MYT1: variants seen among roughly 807,000 people sequenced by gnomAD.
MYT1 encodes the protein myelin transcription factor 1.
A neutral mutation model predicts 123.0 loss-of-function variants in MYT1; 23 were observed. The observed-to-expected ratio is 0.19, with a 90% CI of 0.13 to 0.26. MYT1 has a LOEUF of 0.26. Among genes scored for constraint, MYT1 ranks in the 10% least tolerant of loss-of-function variants. MYT1 has a pLI of 1.00. For missense variants in MYT1, 1,125 were observed against 1,472.5 expected, an observed-to-expected ratio of 0.76 and a Z score of 3.86; for synonymous variants, 518 against 575.3, an observed-to-expected ratio of 0.90 and a Z score of 1.43.
chr20:64,232,277 A>T lies in MYT1; in HGVS notation c.2789A>T (p.Asn930Ile), dbSNP rs763885085. The T allele has an allele frequency of 8.1e-6, 13 of 1,612,944 alleles. No homozygotes were observed. The highest frequency in any genetic ancestry group is 9.3e-6 in the Non-Finnish European group (11 of 1,179,962). The part of the protein sequence containing the change: ...AARRQKEGSL[N>I]GSSFSWKSLK... ...CGCAGGCAGAAGGAAGGGTCCCTCA[A>T]TGGCTCGTCATTCTCCTGGAAGTCC... Residue 930 changes from asparagine (N) to isoleucine (I), a missense_variant, in exon 19 of 23, where the codon AAT (asparagine) becomes ATT (isoleucine). By Grantham distance (149) the Asn-to-Ile change is moderately radical. Around this residue, in one of 4 missense-constraint regions of MYT1, gnomAD observed 243 missense variants for 323.1 expected, o/e 0.75. Transcript: ENST00000328439. This position sits in a 1 kb window ranked among gnomAD's most constrained non-coding sequence, Gnocchi z 6.9.
At position 64,241,512 on chromosome 20, in the gene MYT1, G is replaced by GA. The variant is rs1239211491; in HGVS notation, c.*1070dup. 2 of 152,478 alleles carry GA rather than the reference G, an allele frequency of 1.3e-5. No homozygotes were observed. The highest frequency in any genetic ancestry group is 2.4e-5 in the African/African-American group (1 of 41,430). The allele number at this position is 152,478 out of a possible 1,614,324, so 9.4% of individuals were successfully genotyped here. A position where few individuals can be genotyped will look rare whatever the true frequency, so the allele number is the denominator to read the frequency against. ...AAAAATAGAGAAATTGCACTTCCTG[G>GA]AAAAAATTAAAAAGTAGTTAGTTTA... On this transcript the variant is annotated 3_prime_UTR_variant, in exon 23 of 23. Coordinates refer to ENST00000328439, the MANE Select transcript of MYT1 (RefSeq NM_004535.3). This position sits in a 1 kb window ranked among gnomAD's most constrained non-coding sequence, Gnocchi z 4.2.
rs1180122115 is a variant in MYT1, at chr20:64,196,573, T to C, written c.1-2289T>C. 1.3e-5 allele frequency among the ~76,000 whole-genome samples: 2 copies of C among 152,242 alleles called. No individual in the cohort carries two copies. Among genetic ancestry groups the C allele is most frequent in the Non-Finnish European group, 2.9e-5 (2 of 68,040 alleles). On this transcript the variant is annotated intron_variant, in intron 2 of 22. Coordinates refer to ENST00000328439, the MANE Select transcript of MYT1 (RefSeq NM_004535.3). This position sits in a 1 kb window ranked among gnomAD's most constrained non-coding sequence, Gnocchi z 4.3. ...TTCATTCTCGTATTAAAGAGCCTGG[T>C]TTATTTTTTCTTCGGTAGTTCAGTT...
At chr20:64,209,760 G>A (rs986021607) in intron 7 of MYT1, among the ~76,000 whole-genome samples, 1 of 152,184 alleles carries the variant, frequency 6.6e-6, no homozygotes. Context: ...GTGGAGACAC[G>A]AGGGACATGT....
In MYT1 at chr20:64,204,509, G is replaced by C. The variant is rs1983421868; in HGVS notation, c.87-526G>C. Among the ~76,000 whole-genome samples, 5 of 152,242 alleles carry C rather than the reference G, an allele frequency of 3.3e-5. No individual in the cohort carries two copies. In the South Asian group the frequency reaches 8.3e-4, roughly 25 times the overall value. Reference sequence around the variant, plus strand: ...AGGCACTGGTGGGATCTTCACCACTGTCTGTGGCTTGGGCCACAGATTCCT... The same window carrying C: ...AGGCACTGGTGGGATCTTCACCACTCTCTGTGGCTTGGGCCACAGATTCCT... On this transcript the variant is annotated intron_variant, in intron 4 of 22. Coordinates refer to ENST00000328439, the MANE Select transcript of MYT1 (RefSeq NM_004535.3).
Position 64,242,184 on chromosome 20 carries a change from G to A in MYT1, c.*1736G>A, listed in dbSNP as rs771612056. ...GTGACCCTCCTTCCTCAGGAAGCGC[G>A]TTGAACCCACAGCACTCCGTGGTGT... On this transcript the variant is annotated 3_prime_UTR_variant, in exon 23 of 23. Coordinates refer to ENST00000328439, the MANE Select transcript of MYT1 (RefSeq NM_004535.3). 3.9e-5 allele frequency: 6 copies of A among 152,604 alleles called. No homozygotes were observed. Among genetic ancestry groups the A allele is most frequent in the Non-Finnish European group, 2.9e-5 (2 of 68,032 alleles). The allele number at this position is 152,604 out of a possible 1,614,324, so 9.5% of individuals were successfully genotyped here.
intron 10 of MYT1, among the ~76,000 whole-genome samples, chr20:64,214,335 A>C (rs766595360): frequency 6.6e-6 from 1 of 152,118 alleles, no homozygotes; most frequent in Non-Finnish European, 1.5e-5. Context: ...GCATGTTCAC[A>C]CGCCTGTTTG....
Position 64,170,848 on chromosome 20 carries a change from CATATATATATATAT to C in MYT1, c.-99+6133_-99+6146del, listed in dbSNP as rs1175817263. 2.3e-3 allele frequency among the ~76,000 whole-genome samples: 37 copies of C among 16,026 alleles called. 3 individuals carry two copies. The highest frequency in any genetic ancestry group is 3.4e-3 in the South Asian group (1 of 292). 10.5% of individuals were successfully genotyped at this position (16,026 alleles called of 152,430 possible). ...CCATGACACAGATAGACAAATTGGT[CATATATATATATAT>C]ATATATATATATATATATATATAGA... On this transcript the variant is annotated intron_variant, in intron 1 of 22. Coordinates refer to ENST00000328439, the MANE Select transcript of MYT1 (RefSeq NM_004535.3).
At chr20:64,222,075 C>A in intron 14 of MYT1, 28 bp downstream of exon 14, 1 of 1,610,474 alleles carries the variant, frequency 6.2e-7, no homozygotes, top group Non-Finnish European at 8.5e-7. Context: ...TGGCACAGCT[C>A]CTAGGGGACC....
rs1186334665 is a variant in MYT1, at chr20:64,205,635, C to A, written c.232C>A (p.Pro78Thr). ...CCTGGTGTCCAAGAGGAAGTCACAC[C>A]CCCTGAAGCTGGCTCTGGACGAGGG... ...EHLVSKRKSH[P>T]LKLALDEGYG... Residue 78 changes from proline (P) to threonine (T), a missense_variant, in exon 6 of 23, where the codon CCC (proline) becomes ACC (threonine). Pro to Thr is a conservative substitution (Grantham distance 38). Around this residue, in one of 4 missense-constraint regions of MYT1, gnomAD observed 406 missense variants for 432.2 expected, o/e 0.94. Coordinates refer to ENST00000328439, the MANE Select transcript of MYT1 (RefSeq NM_004535.3). The A allele has an allele frequency of 3.1e-6, 5 of 1,614,036 alleles. No individual in the cohort carries two copies. In the Admixed American group the frequency reaches 8.3e-5, roughly 27 times the overall value.
intron 21 of MYT1, 139 bp downstream of exon 21, chr20:64,237,529 A>G (rs1013645001): frequency 2.7e-5 from 18 of 664,350 alleles, no homozygotes; most frequent in African/African-American, 2.7e-4. Context: ...TGGCTGGCAC[A>G]CAGGCACACT....
At position 64,213,671 on chromosome 20, in the gene MYT1, T is replaced by C; in HGVS notation, c.1631+24T>C. The C allele has an allele frequency of 1.3e-6, 2 of 1,595,470 alleles. No homozygotes were observed. Among genetic ancestry groups the C allele is most frequent in the Non-Finnish European group, 1.7e-6 (2 of 1,164,072 alleles). ...AGGTGAGTGAGATGAGCCACAGAAC[T>C]GAAGAGGCTGCCTCCCAAATGCCTG... On this transcript the variant is annotated intron_variant, in intron 10 of 22. Transcript: ENST00000328439. The surrounding 1 kb of genome is among the most constrained non-coding windows in gnomAD (Gnocchi z 5.6).
At position 64,192,489 on chromosome 20, in the gene MYT1, G is replaced by A. The variant is rs1401061265; in HGVS notation, c.-1+2329G>A. Among the ~76,000 whole-genome samples, 1 of 152,228 alleles carries A rather than the reference G, an allele frequency of 6.6e-6. No homozygotes were observed. Among genetic ancestry groups the A allele is most frequent in the African/African-American group, 2.4e-5 (1 of 41,462 alleles). On this transcript the variant is annotated intron_variant, in intron 2 of 22. Coordinates refer to ENST00000328439, the MANE Select transcript of MYT1 (RefSeq NM_004535.3). This position sits in a 1 kb window ranked among gnomAD's most constrained non-coding sequence, Gnocchi z 5.3. ...CAGAGGCTGGCTTCGGACAGGAGAT[G>A]GGTGGTGAGGAGCCAGCATGGGAGG... is the stretch of plus-strand genomic sequence containing the variant.
rs1230245035 is a variant in MYT1, at chr20:64,193,071, T to C, written c.-1+2911T>C. 6.6e-6 allele frequency among the ~76,000 whole-genome samples: 1 copy of C among 152,204 alleles called. No individual in the cohort carries two copies. Among genetic ancestry groups the C allele is most frequent in the Non-Finnish European group, 1.5e-5 (1 of 68,028 alleles). ...ATGCCCCATGGAGGTGTCCTTTCTA[T>C]ACCCCAAGGAGGAGGCTGGTCTATT... On this transcript the variant is annotated intron_variant, in intron 2 of 22. Transcript: ENST00000328439. This position sits in a 1 kb window ranked among gnomAD's most constrained non-coding sequence, Gnocchi z 4.0.
Position 64,205,016 on chromosome 20 carries a change from C to T in MYT1, c.87-19C>T. 6.2e-7 allele frequency: 1 copy of T among 1,613,864 alleles called. No homozygotes were observed. The highest frequency in any genetic ancestry group is 8.5e-7 in the Non-Finnish European group (1 of 1,179,906). The stretch of plus-strand genomic sequence containing the variant: ...GAGCCCATCGCCTGATGTGGCCTTG[C>T]CTTTTTATTTCCCCTCAGCTGCCCC... On this transcript the variant is annotated intron_variant, in intron 4 of 22. Transcript: ENST00000328439.
Position 64,186,072 on chromosome 20 carries a change from G to A in MYT1, c.-98-3991G>A, listed in dbSNP as rs1982791077. 6.6e-6 allele frequency among the ~76,000 whole-genome samples: 1 copy of A among 152,212 alleles called. No individual in the cohort carries two copies. Among genetic ancestry groups the A allele is most frequent in the Non-Finnish European group, 1.5e-5 (1 of 68,036 alleles). On this transcript the variant is annotated intron_variant, in intron 1 of 22. Transcript: ENST00000328439. The surrounding 1 kb of genome is among the most constrained non-coding windows in gnomAD (Gnocchi z 4.3). Reference sequence around the variant, plus strand: ...GCCTGTGTTGGAGTCTCTGGCCAGTGAGGGGTGGTTCCCTCTCCTCTGGAC... The same window carrying A: ...GCCTGTGTTGGAGTCTCTGGCCAGTAAGGGGTGGTTCCCTCTCCTCTGGAC...
chr20:64,186,012 C>G lies in MYT1; in HGVS notation c.-98-4051C>G, dbSNP rs979265422. 2.6e-5 allele frequency among the ~76,000 whole-genome samples: 4 copies of G among 152,136 alleles called. No individual in the cohort carries two copies. Among genetic ancestry groups the G allele is most frequent in the African/African-American group, 4.8e-5 (2 of 41,410 alleles). On this transcript the variant is annotated intron_variant, in intron 1 of 22. Transcript: ENST00000328439. The surrounding 1 kb of genome is among the most constrained non-coding windows in gnomAD (Gnocchi z 4.3). ...GAGGGCTTCATTAGGAGAAGACAGA[C>G]GGGGGGCTACAGCTCAGCACTGCAC...
At chr20:64,222,553 G>C (rs1984040952) in intron 14 of MYT1, among the ~76,000 whole-genome samples, 2 of 152,378 alleles carry the variant, frequency 1.3e-5, no homozygotes, top group South Asian at 2.1e-4. Flanking sequence ...CAGAGTTGCT[G>C]ATGGATATGA....
intron 7 of MYT1, among the ~76,000 whole-genome samples, chr20:64,210,104 C>T (rs1983622806): frequency 6.6e-6 from 1 of 152,222 alleles, no homozygotes; most frequent in Admixed American, 6.5e-5. Flanking sequence ...ATATGAGGAA[C>T]ACAGACACCA....
In MYT1 at chr20:64,193,082, G is replaced by A. The variant is rs191580082; in HGVS notation, c.-1+2922G>A. On this transcript the variant is annotated intron_variant, in intron 2 of 22. Transcript: ENST00000328439. The surrounding 1 kb of genome is among the most constrained non-coding windows in gnomAD (Gnocchi z 4.0). ...AGGTGTCCTTTCTATACCCCAAGGA[G>A]GAGGCTGGTCTATTCTGCTGAATTT... Among the ~76,000 whole-genome samples, 23 of 152,316 alleles carry A rather than the reference G, an allele frequency of 1.5e-4. No homozygotes were observed. In the East Asian group the frequency reaches 4.3e-3, roughly 28 times the overall value.
Sources: allele counts gnomAD v4.1 joint callset (sites outside exome capture counted in the v4.1 genomes callset), GRCh38; gene constraint gnomAD v4.1.1; regional missense constraint gnomAD v4.1.1; non-coding constraint Gnocchi (gnomAD v3.1); transcripts MANE v1.5; gene names NCBI Gene and HGNC (gene_info 2026-07-23, HGNC 2026-07-21).